Variants in ADGRL3 observed in about 807,000 individuals in gnomAD.
ADGRL3 encodes calcium-independent alpha-latrotoxin receptor 3.
ADGRL3 carries 62 observed loss-of-function variants against 153.5 expected under a neutral mutation model. The ratio of observed to expected loss-of-function variants is 0.40; its 90% CI spans 0.33 to 0.50. The LOEUF is 0.50. Ranked by LOEUF, ADGRL3 falls within the 20% of genes least tolerant of loss-of-function variation. The pLI is 0.47. For missense variants in ADGRL3, 1,641 were observed against 1,859.4 expected (o/e 0.88, Z 2.16); for synonymous variants, 710 against 672.5 (o/e 1.06, Z -0.86).
At chr4:61,748,605 G>A (rs537889844) in intron 8 of ADGRL3, among the ~76,000 whole-genome samples, 45 of 152,204 alleles carry the variant, frequency 3.0e-4, no homozygotes, top group Non-Finnish European at 5.6e-4. Flanking sequence ...AACAAGCAAC[G>A]GGTAAAGGAT....
At chr4:61,349,767 G>T (rs1039789792) in intron 1 of ADGRL3, among the ~76,000 whole-genome samples, 5 of 151,978 alleles carry the variant, frequency 3.3e-5, no homozygotes, top group South Asian at 2.1e-4. Flanking sequence ...TAAACTGCGG[G>T]GCCTATAAAG....
chr4:61,998,853 A>C (rs889945745), intron 21 of ADGRL3, among the ~76,000 whole-genome samples: 1 of 152,132 alleles, frequency 6.6e-6, no homozygotes, highest in African/African-American at 2.4e-5. Context: ...CTGGGAGTAC[A>C]GGCACGAGCC....
At chr4:61,311,886 G>A (rs2095028870) in intron 1 of ADGRL3, among the ~76,000 whole-genome samples, 1 of 152,000 alleles carries the variant, frequency 6.6e-6, no homozygotes. Flanking sequence ...AGAAACCATG[G>A]GCTTCAGGTG....
chr4:61,774,174 G>A (rs1379154817), intron 8 of ADGRL3, among the ~76,000 whole-genome samples: 1 of 151,914 alleles, frequency 6.6e-6, no homozygotes, highest in Admixed American at 6.6e-5. Context: ...GCCCAACACA[G>A]TGAAACCCTG....
intron 5 of ADGRL3, among the ~76,000 whole-genome samples, chr4:61,655,303 A>G (rs932565172): frequency 1.3e-5 from 2 of 152,206 alleles, no homozygotes; most frequent in African/African-American, 4.8e-5. Flanking sequence ...TTCTAAGAGA[A>G]TATTTTTAAC....
intron 9 of ADGRL3, among the ~76,000 whole-genome samples, chr4:61,837,375 TAGA>T (rs2097952777): frequency 6.6e-6 from 1 of 152,088 alleles, no homozygotes; most frequent in Non-Finnish European, 1.5e-5. Context: ...CAAAGGCAAT[TAGA>T]ATGTGGTGCT....
intron 1 of ADGRL3, among the ~76,000 whole-genome samples, chr4:61,326,968 G>T (rs187833404): frequency 5.3e-5 from 8 of 151,892 alleles, no homozygotes; most frequent in African/African-American, 1.2e-4. Context: ...TTGATATAGG[G>T]TTATGTGAAT....
At chr4:61,250,390 T>A (rs545058080) in intron 1 of ADGRL3, among the ~76,000 whole-genome samples, 1 of 152,308 alleles carries the variant, frequency 6.6e-6, no homozygotes, top group East Asian at 1.9e-4. Flanking sequence ...TTAAATAACA[T>A]GATTCTAGGA....
chr4:61,749,014 GA>G, intron 8 of ADGRL3, among the ~76,000 whole-genome samples: 1 of 151,380 alleles, frequency 6.6e-6, no homozygotes, highest in East Asian at 1.9e-4. Context: ...AAATTTACAA[GA>G]AAAAACAAAC....
chr4:61,603,303 C>T (rs965517943), intron 5 of ADGRL3, among the ~76,000 whole-genome samples: 2 of 152,070 alleles, frequency 1.3e-5, no homozygotes, highest in Non-Finnish European at 2.9e-5. Flanking sequence ...TTTAACTTAG[C>T]GGGCTAAATT....
intron 4 of ADGRL3, among the ~76,000 whole-genome samples, chr4:61,580,701 G>C (rs2098921072): frequency 6.6e-6 from 1 of 152,036 alleles, no homozygotes; most frequent in African/African-American, 2.4e-5. Flanking sequence ...CTTCCAAGGT[G>C]CCTCTCTCAT....
intron 1 of ADGRL3, among the ~76,000 whole-genome samples, chr4:61,373,990 C>T (rs1251219538): frequency 1.3e-5 from 2 of 152,150 alleles, no homozygotes; most frequent in East Asian, 3.8e-4. Flanking sequence ...AATACCCACA[C>T]ATACACGAAT....
intron 9 of ADGRL3, among the ~76,000 whole-genome samples, chr4:61,871,051 G>C (rs1354503690): frequency 6.6e-6 from 1 of 152,134 alleles, no homozygotes; most frequent in Non-Finnish European, 1.5e-5. Context: ...GGCCAAGGCG[G>C]GCGAATCACG....
At chr4:61,601,118 T>C (rs1311308152) in intron 5 of ADGRL3, among the ~76,000 whole-genome samples, 2 of 152,152 alleles carry the variant, frequency 1.3e-5, no homozygotes, top group Non-Finnish European at 2.9e-5. Context: ...TATATAAGAA[T>C]GTTGTTACTT....
chr4:61,682,536 C>T (rs917108933), intron 6 of ADGRL3, among the ~76,000 whole-genome samples: 1 of 150,594 alleles, frequency 6.6e-6, no homozygotes, highest in Non-Finnish European at 1.5e-5. Flanking sequence ...GCATACATAG[C>T]TGGAGTTACT....
At chr4:61,272,853 G>A (rs1246868226) in intron 1 of ADGRL3, among the ~76,000 whole-genome samples, 1 of 152,110 alleles carries the variant, frequency 6.6e-6, no homozygotes, top group South Asian at 2.1e-4. Context: ...CTCTACTAAA[G>A]TAGTATGTTG....
chr4:61,505,657 T>C (rs2098423304), intron 3 of ADGRL3, among the ~76,000 whole-genome samples: 1 of 152,046 alleles, frequency 6.6e-6, no homozygotes, highest in African/African-American at 2.4e-5. Flanking sequence ...TTATAAATAT[T>C]GAGTCTTTCA....
intron 4 of ADGRL3, among the ~76,000 whole-genome samples, chr4:61,566,236 C>T (rs539849130): frequency 2.0e-5 from 3 of 152,290 alleles, no homozygotes; most frequent in African/African-American, 7.2e-5. Context: ...TTTCAGGCGT[C>T]TCCCCTTCGC....
intron 13 of ADGRL3, among the ~76,000 whole-genome samples, chr4:61,927,700 G>A (rs2098800225): frequency 6.6e-6 from 1 of 152,086 alleles, no homozygotes; most frequent in Admixed American, 6.6e-5. Flanking sequence ...TCTAACACTT[G>A]ACCTTTACAT....
Sources: gnomAD v4.1 joint callset for allele counts (sites outside exome capture counted in the v4.1 genomes callset) on GRCh38, gnomAD v4.1.1 for gene constraint, MANE v1.5 for transcripts, NCBI Gene and HGNC (gene_info 2026-07-23, HGNC 2026-07-21) for gene names.